Variants in PTPRD observed in about 807,000 individuals in gnomAD.
The protein encoded by PTPRD is receptor-type tyrosine-protein phosphatase delta.
PTPRD carries 34 observed loss-of-function variants against 214.5 expected under a neutral mutation model. The ratio of observed to expected loss-of-function variants is 0.16; its 90% CI spans 0.12 to 0.21. The LOEUF (loss-of-function observed/expected upper bound fraction) is 0.21, where lower values mean the gene tolerates loss of function less well. PTPRD is among the 10% of genes least tolerant of loss of function. PTPRD has a pLI of 1.00. For missense variants in PTPRD, 2,545 were observed against 2,398.7 expected (o/e 1.06, Z -1.27); for synonymous variants, 1,128 against 845.7 (o/e 1.33, Z -5.79).
chr9:9,430,034 G>A (rs552417929), intron 8 of PTPRD, among the ~76,000 whole-genome samples: 20 of 152,232 alleles, frequency 1.3e-4, no homozygotes, highest in African/African-American at 3.9e-4. Flanking sequence ...TCAACATAGT[G>A]TTGGAAGTTC....
intron 12 of PTPRD, among the ~76,000 whole-genome samples, chr9:8,694,069 G>C (rs2097859704): frequency 6.6e-6 from 1 of 152,038 alleles, no homozygotes; most frequent in Non-Finnish European, 1.5e-5. Context: ...TAAATAATCA[G>C]GTAAATCTCT....
At chr9:9,959,744 T>C (rs1048710716) in intron 4 of PTPRD, among the ~76,000 whole-genome samples, 5 of 152,144 alleles carry the variant, frequency 3.3e-5, no homozygotes, top group Non-Finnish European at 7.4e-5. Flanking sequence ...TACTGCTACA[T>C]GAATGTATTG....
At chr9:9,088,599 AAAAAAAAAAAG>A (rs2099771013) in intron 10 of PTPRD, among the ~76,000 whole-genome samples, 1 of 149,352 alleles carries the variant, frequency 6.7e-6, no homozygotes, top group African/African-American at 2.5e-5. Context: ...AAAAAAAAAA[AAAAAAAAAAAG>A]AAGTCTGGCT....
At chr9:10,220,053 A>C (rs1315043972) in intron 3 of PTPRD, among the ~76,000 whole-genome samples, 1 of 151,906 alleles carries the variant, frequency 6.6e-6, no homozygotes. Context: ...AACTGGTTGG[A>C]AAATAATTTT....
chr9:8,808,113 G>A (rs563919405), intron 11 of PTPRD, among the ~76,000 whole-genome samples: 18 of 152,106 alleles, frequency 1.2e-4, no homozygotes, highest in African/African-American at 4.1e-4. Flanking sequence ...AAACTCAAAA[G>A]TATCATCGTG....
At chr9:10,318,955 T>C (rs1288035431) in intron 3 of PTPRD, among the ~76,000 whole-genome samples, 3 of 152,114 alleles carry the variant, frequency 2.0e-5, no homozygotes, top group African/African-American at 7.2e-5. Flanking sequence ...TTCTGAGAGC[T>C]ATCAGCCAGG....
At chr9:10,558,998 T>C (rs1010591079) in intron 2 of PTPRD, among the ~76,000 whole-genome samples, 1 of 152,164 alleles carries the variant, frequency 6.6e-6, no homozygotes, top group Non-Finnish European at 1.5e-5. Context: ...TTCTATATTA[T>C]ATATTTTGTT....
intron 6 of PTPRD, among the ~76,000 whole-genome samples, chr9:9,761,161 T>C (rs1178313340): frequency 1.3e-5 from 2 of 152,176 alleles, no homozygotes; most frequent in African/African-American, 4.8e-5. Flanking sequence ...TTTCAACAGA[T>C]AAAAAGTTAA....
intron 14 of PTPRD, among the ~76,000 whole-genome samples, chr9:8,603,328 A>C (rs529530599): frequency 5.3e-5 from 8 of 152,294 alleles, no homozygotes; most frequent in Admixed American, 3.9e-4. Flanking sequence ...AAAAAAATCT[A>C]AGTTTTCTTA....
chr9:8,398,686 C>T lies in PTPRD; in HGVS notation c.4210+5851G>A, dbSNP rs73420422. Among the ~76,000 whole-genome samples the T allele has an allele frequency of 2.3e-3, 353 of 152,188 alleles. 1 individual carries two copies. The highest frequency in any genetic ancestry group is 8.3e-3 in the African/African-American group (345 of 41,532). On this transcript the variant is annotated intron_variant, in intron 36 of 45. Transcript: ENST00000381196. The stretch of plus-strand genomic sequence containing the variant: ...AAGATTAAGTTTGCCCTTTTTCTAT[C>T]GTTTTGGCCATGTAAGGACACAGCA...
chr9:8,402,759 C>T (rs1490609783), intron 36 of PTPRD, among the ~76,000 whole-genome samples: 1 of 151,772 alleles, frequency 6.6e-6, no homozygotes, highest in Non-Finnish European at 1.5e-5. Flanking sequence ...TAATCATCCA[C>T]ATATGTTAAT....
At chr9:8,631,728 C>A (rs529238754) in intron 14 of PTPRD, among the ~76,000 whole-genome samples, 3 of 151,936 alleles carry the variant, frequency 2.0e-5, no homozygotes, top group African/African-American at 7.2e-5. Context: ...AGCACTAAAG[C>A]ATAAGGTCCA....
chr9:10,060,050 G>A (rs553206917), intron 3 of PTPRD, among the ~76,000 whole-genome samples: 14 of 152,060 alleles, frequency 9.2e-5, no homozygotes, highest in African/African-American at 2.6e-4. Context: ...AGATGCTTCC[G>A]ATATTCTATT....
At chr9:10,585,737 C>T (rs1034963489) in intron 2 of PTPRD, among the ~76,000 whole-genome samples, 2 of 151,880 alleles carry the variant, frequency 1.3e-5, no homozygotes, top group African/African-American at 4.8e-5. Context: ...ACACACCACA[C>T]ATAACACACA....
chr9:9,065,433 C>T lies in PTPRD; in HGVS notation c.-142-46698G>A, dbSNP rs140818885. On this transcript the variant is annotated intron_variant, in intron 10 of 45. Transcript: ENST00000381196. ...GGACTGTACTAGCATGTGTGAGGAA[C>T]ACCAAGGAGGTCAGTGTGGCTGCAG... Among the ~76,000 whole-genome samples, 191 of 152,228 alleles carry T rather than the reference C, an allele frequency of 1.3e-3. 1 individual carries two copies. Among genetic ancestry groups the T allele is most frequent in the African/African-American group, 3.9e-3 (163 of 41,546 alleles).
At chr9:10,463,736 A>G (rs2098974612) in intron 2 of PTPRD, among the ~76,000 whole-genome samples, 1 of 152,114 alleles carries the variant, frequency 6.6e-6, no homozygotes, top group Non-Finnish European at 1.5e-5. Flanking sequence ...CAGAGGAATA[A>G]CTTCAGAGTC....
At chr9:9,586,797 A>G (rs947853432) in intron 7 of PTPRD, among the ~76,000 whole-genome samples, 3 of 152,016 alleles carry the variant, frequency 2.0e-5, no homozygotes, top group South Asian at 2.1e-4. Flanking sequence ...AAAAAGAGAT[A>G]TATCACTTTG....
intron 11 of PTPRD, among the ~76,000 whole-genome samples, chr9:8,773,691 T>C (rs1426423171): frequency 6.6e-6 from 1 of 152,224 alleles, no homozygotes; most frequent in African/African-American, 2.4e-5. Context: ...GCTCTTTACA[T>C]TGATTTAGAA....
At chr9:8,792,180 A>G (rs746309939) in intron 11 of PTPRD, among the ~76,000 whole-genome samples, 10 of 152,206 alleles carry the variant, frequency 6.6e-5, no homozygotes, top group Non-Finnish European at 1.2e-4. Flanking sequence ...CCTTGGACAC[A>G]TGAATTTGAA....
Sources: allele counts gnomAD v4.1 joint callset (sites outside exome capture counted in the v4.1 genomes callset), GRCh38; gene constraint gnomAD v4.1.1; transcripts MANE v1.5; gene names NCBI Gene and HGNC (gene_info 2026-07-23, HGNC 2026-07-21).